MRTFA: variants seen among roughly 807,000 people sequenced by gnomAD.
MRTFA encodes myocardin related transcription factor A.
A neutral mutation model predicts 83.5 loss-of-function variants in MRTFA; 20 were observed. The observed-to-expected ratio is 0.24, with a 90% CI of 0.17 to 0.35. The LOEUF (loss-of-function observed/expected upper bound fraction) is 0.35. Ranked by LOEUF, MRTFA falls within the 10% of genes least tolerant of loss-of-function variation. The probability of loss-of-function intolerance (pLI) is 1.00; values close to 1 mark genes in which losing one functional copy is unlikely to be tolerated. For missense variants in MRTFA, 1,200 were observed against 1,224.7 expected (o/e 0.98, Z 0.30); for synonymous variants, 659 against 541.2 (o/e 1.22, Z -3.02).
chr22:40,519,438 G>C (rs1229659594), intron 3 of MRTFA: 1 of 1,333,724 alleles, frequency 7.5e-7, no homozygotes, highest in East Asian at 4.2e-5. Flanking sequence ...GAGAGATGAA[G>C]GCGATGTTGT....
chr22:40,443,454 T>C (rs777448106), intron 4 of MRTFA, among the ~76,000 whole-genome samples: 17 of 151,778 alleles, frequency 1.1e-4, no homozygotes, highest in Non-Finnish European at 2.1e-4. Flanking sequence ...AAAAGAGACA[T>C]GGTGGTAAGT....
At chr22:40,450,762 C>A (rs1374638881) in intron 4 of MRTFA, among the ~76,000 whole-genome samples, 1 of 152,052 alleles carries the variant, frequency 6.6e-6, no homozygotes, top group Non-Finnish European at 1.5e-5. Flanking sequence ...CCAGCCTCCT[C>A]AATTTTCAAA....
In MRTFA at chr22:40,418,462, A is replaced by T; in HGVS notation, c.2276T>A (p.Ile759Asn). ...AAGGTGGGTCCCTGTGGAGTCGGTG[A>T]TGAGGGTGGGAGGTGCAACCCCCTT... Residue 759 changes from isoleucine to asparagine, a missense_variant, in exon 12 of 15, where the codon ATC (isoleucine) becomes AAC (asparagine). By Grantham distance (149) the Ile-to-Asn change is moderately radical. Transcript: ENST00000355630. 6.2e-7 allele frequency: 1 copy of T among 1,613,714 alleles called. No individual in the cohort carries two copies. Among genetic ancestry groups the T allele is most frequent in the South Asian group, 1.1e-5 (1 of 91,062 alleles).
intron 2 of MRTFA, among the ~76,000 whole-genome samples, chr22:40,581,269 A>T (rs1042641014): frequency 1.3e-5 from 2 of 152,150 alleles, no homozygotes; most frequent in Non-Finnish European, 2.9e-5. Context: ...ATTTTTTCCT[A>T]TCACAAATAT....
chr22:40,621,600 T>C (rs1042991128), intron 1 of MRTFA, among the ~76,000 whole-genome samples: 4 of 152,170 alleles, frequency 2.6e-5, no homozygotes, highest in Admixed American at 1.3e-4. Flanking sequence ...CACTTAAAAA[T>C]GGTTACGATG....
Position 40,459,782 on chromosome 22 carries a change from TACACACACACACAC to T in MRTFA, c.307+3425_307+3438del, listed in dbSNP as rs745698441. Among the ~76,000 whole-genome samples the T allele has an allele frequency of 4.6e-4, 41 of 88,928 alleles. 1 individual carries two copies. The highest frequency in any genetic ancestry group is 1.9e-3 in the East Asian group (6 of 3,102). 58.3% of individuals were successfully genotyped at this position (88,928 alleles called of 152,430 possible). A position where few individuals can be genotyped will look rare whatever the true frequency, so the allele number is the denominator to read the frequency against. On this transcript the variant is annotated intron_variant, in intron 4 of 14. Coordinates refer to ENST00000355630, the MANE Select transcript of MRTFA (RefSeq NM_020831.6). ...CACTGGGGACGGGACTGATAAAATATACACACACACACACACACACACACACACACACACACACA... is the reference window on the plus strand; with the variant it reads ...CACTGGGGACGGGACTGATAAAATATACACACACACACACACACACACACA...
At chr22:40,531,255 T>A (rs1413073970) in intron 3 of MRTFA, among the ~76,000 whole-genome samples, 1 of 148,142 alleles carries the variant, frequency 6.8e-6, no homozygotes, top group Non-Finnish European at 1.5e-5. Flanking sequence ...GGCACCATCA[T>A]ACCTGGCTTT....
intron 3 of MRTFA, among the ~76,000 whole-genome samples, chr22:40,521,565 C>G (rs1014820429): frequency 1.3e-5 from 2 of 152,126 alleles, no homozygotes; most frequent in African/African-American, 4.8e-5. Context: ...GGGGTGCAAT[C>G]TTGGCTCACT....
chr22:40,613,750 A>T (rs908418389), intron 1 of MRTFA, among the ~76,000 whole-genome samples: 1 of 152,106 alleles, frequency 6.6e-6, no homozygotes, highest in Non-Finnish European at 1.5e-5. Context: ...CTACCAAAAA[A>T]TACCCAAAAA....
chr22:40,418,260 T>G (rs1346318735), intron 12 of MRTFA, 114 bp downstream of exon 12: 1 of 1,501,836 alleles, frequency 6.7e-7, no homozygotes, highest in East Asian at 2.4e-5. Flanking sequence ...GAAGATTAAA[T>G]GAAGCAAACA....
intron 3 of MRTFA, among the ~76,000 whole-genome samples, chr22:40,527,453 C>A (rs2054996346): frequency 1.3e-5 from 2 of 150,134 alleles, no homozygotes; most frequent in South Asian, 4.4e-4. Flanking sequence ...TAAAGAAAAT[C>A]TTTTTAAAAA....
At chr22:40,589,714 T>C (rs2056089900) in intron 2 of MRTFA, among the ~76,000 whole-genome samples, 1 of 152,198 alleles carries the variant, frequency 6.6e-6, no homozygotes, top group African/African-American at 2.4e-5. Flanking sequence ...AGCAACTGTA[T>C]TTAAACTCTG....
chr22:40,493,810 G>A (rs2054308112), intron 3 of MRTFA, among the ~76,000 whole-genome samples: 1 of 152,184 alleles, frequency 6.6e-6, no homozygotes, highest in Non-Finnish European at 1.5e-5. Context: ...CTATTCCTGA[G>A]TATTTATCTA....
chr22:40,419,351 A>G lies in MRTFA; in HGVS notation c.1387T>C (p.Ser463Pro). The G allele has an allele frequency of 6.2e-7, 1 of 1,613,892 alleles. No individual in the cohort carries two copies. Among genetic ancestry groups the G allele is most frequent in the Non-Finnish European group, 8.5e-7 (1 of 1,179,992 alleles). Residue 463 changes from serine (S) to proline (P), a missense_variant, in exon 12 of 15, where the codon TCA (serine) becomes CCA (proline). By Grantham distance (74) the Ser-to-Pro change is moderately conservative (BLOSUM62 -1). Coordinates refer to ENST00000355630, the MANE Select transcript of MRTFA (RefSeq NM_020831.6). ...GTTTTGGTGCCCGAGACAGGCAGTG[A>G]TCGCAACTTCAGCTCCTGCTTCAGC...
chr22:40,539,905 C>CTTTT (rs367760561), intron 3 of MRTFA, among the ~76,000 whole-genome samples: 4 of 127,340 alleles, frequency 3.1e-5, no homozygotes, highest in Non-Finnish European at 1.7e-5. Flanking sequence ...TCACGGTTAT[C>CTTTT]TTTTTTTTTT....
chr22:40,519,992 G>A (rs9611368), intron 3 of MRTFA, among the ~76,000 whole-genome samples: 1 of 152,132 alleles, frequency 6.6e-6, no homozygotes, highest in Admixed American at 6.5e-5. Context: ...ACTTCACCTA[G>A]TGTACAATTC....
chr22:40,634,094 ATTT>A (rs149996138), intron 1 of MRTFA, among the ~76,000 whole-genome samples: 1 of 144,436 alleles, frequency 6.9e-6, no homozygotes, highest in Non-Finnish European at 1.5e-5. Flanking sequence ...ATTTATCAGG[ATTT>A]TTTTTTTTTT....
chr22:40,570,904 A>G (rs1569333730), intron 2 of MRTFA, among the ~76,000 whole-genome samples: 1 of 151,622 alleles, frequency 6.6e-6, no homozygotes, highest in Non-Finnish European at 1.5e-5. Context: ...AATAAAGAAC[A>G]TGGAGCCAGG....
intron 4 of MRTFA, among the ~76,000 whole-genome samples, chr22:40,437,061 A>C (rs1490236059): frequency 6.6e-6 from 1 of 152,216 alleles, no homozygotes; most frequent in Non-Finnish European, 1.5e-5. Context: ...CTACAGTCTT[A>C]AAAGTACTAC....
Sources: gnomAD v4.1 joint callset for allele counts (sites outside exome capture counted in the v4.1 genomes callset) on GRCh38, gnomAD v4.1.1 for gene constraint, MANE v1.5 for transcripts, NCBI Gene and HGNC (gene_info 2026-07-23, HGNC 2026-07-21) for gene names.